ENO4: variants seen among roughly 807,000 people sequenced by gnomAD.
ENO4 encodes the protein 2-phospho-D-glycerate hydro-lyase.
Under a neutral mutation model 63.2 loss-of-function variants are expected in ENO4, and 53 were observed. The ratio of observed to expected loss-of-function variants is 0.84; its 90% CI spans 0.67 to 1.05. The LOEUF is 1.05. ENO4 is among the 50% of genes least tolerant of loss of function. The pLI is 0.00. For missense variants in ENO4, 719 were observed against 772.0 expected (o/e 0.93, Z 0.81); for synonymous variants, 266 against 283.8 (o/e 0.94, Z 0.63).
chr10:116,864,848 C>T (rs867622408), intron 7 of ENO4, among the ~76,000 whole-genome samples: 2 of 152,062 alleles, frequency 1.3e-5, no homozygotes, highest in South Asian at 2.1e-4. Flanking sequence ...GTCAAAACCC[C>T]GTCTCTACTA....
chr10:116,887,937 G>T (rs1847216456), intron 10 of ENO4, among the ~76,000 whole-genome samples: 1 of 152,210 alleles, frequency 6.6e-6, no homozygotes, highest in Non-Finnish European at 1.5e-5. Flanking sequence ...TAACCTGCAT[G>T]ACCCGGTCAC....
chr10:116,863,356 T>TCACACACA (rs10646641), intron 7 of ENO4, among the ~76,000 whole-genome samples: 20,813 of 147,228 alleles, frequency 0.14, 1,821 homozygotes, highest in South Asian at 0.26. Context: ...CTGTGGGGCT[T>TCACACACA]CACACACACA....
intron 7 of ENO4, among the ~76,000 whole-genome samples, chr10:116,863,384 A>ACACG (rs1846469129): frequency 6.6e-6 from 1 of 151,586 alleles, no homozygotes; most frequent in African/African-American, 2.4e-5. Context: ...ACACACACAC[A>ACACG]CACGCACACA....
At chr10:116,911,733 A>G in exon 11 of ENO4, 1 of 1,578,418 alleles carries the variant, frequency 6.3e-7, no homozygotes, top group Non-Finnish European at 8.7e-7. Context: ...ACAGATTTTA[A>G]AATACTCTCC....
Position 116,881,840 on chromosome 10 carries a change from T to G in ENO4, c.*171T>G, listed in dbSNP as rs1847025600. ...AAATTACATATATGATGTTTTTGCCTGAAATTCTGTGAACTTCGTTTTGCA... is the reference window on the plus strand; with the variant it reads ...AAATTACATATATGATGTTTTTGCCGGAAATTCTGTGAACTTCGTTTTGCA... On this transcript the variant is annotated 3_prime_UTR_variant, in exon 14 of 14. Transcript: ENST00000341276. The G allele has an allele frequency of 4.1e-6, 2 of 491,390 alleles. No homozygotes were observed. The highest frequency in any genetic ancestry group is 6.6e-6 in the Non-Finnish European group (2 of 302,456). 30.4% of individuals were successfully genotyped at this position (491,390 alleles called of 1,614,324 possible). A position where few individuals can be genotyped will look rare whatever the true frequency, so the allele number is the denominator to read the frequency against.
intron 4 of ENO4, among the ~76,000 whole-genome samples, chr10:116,860,182 C>T (rs1366835997): frequency 1.3e-5 from 2 of 152,172 alleles, no homozygotes; most frequent in East Asian, 3.9e-4. Flanking sequence ...AAGAGGAACA[C>T]TAGAGATATA....
At chr10:116,894,245 G>A (rs1847437203) in intron 10 of ENO4, among the ~76,000 whole-genome samples, 1 of 152,164 alleles carries the variant, frequency 6.6e-6, no homozygotes, top group South Asian at 2.1e-4. Flanking sequence ...TGTATTTAGA[G>A]ATACCACAGA....
chr10:116,851,595 C>G (rs1846089127), intron 1 of ENO4, among the ~76,000 whole-genome samples: 1 of 152,232 alleles, frequency 6.6e-6, no homozygotes, highest in Non-Finnish European at 1.5e-5. Flanking sequence ...CTATCTAGTT[C>G]ATCCTGCAGA....
chr10:116,900,651 A>G (rs926624208), intron 10 of ENO4: 13 of 1,501,700 alleles, frequency 8.7e-6, no homozygotes, highest in Admixed American at 2.2e-5. Flanking sequence ...GTTCAAATGT[A>G]GCCAGATTGT....
rs1845987116 is a variant in ENO4, at chr10:116,849,512, A to G, written c.-55A>G. The G allele has an allele frequency of 6.9e-7, 1 of 1,452,256 alleles. No homozygotes were observed. The highest frequency in any genetic ancestry group is 1.4e-5 in the African/African-American group (1 of 69,932). The allele number at this position is 1,452,256 out of a possible 1,614,324, so 90.0% of individuals were successfully genotyped here. On this transcript the variant is annotated 5_prime_UTR_variant, in exon 1 of 14. Transcript: ENST00000341276. ...TCACGTTGCGTTGCCTAGCGACAGC[A>G]GGGACGCTCGTGGGACCCCAGGCTA...
Position 116,879,944 on chromosome 10 carries a change from C to T in ENO4, c.1681C>T (p.Leu561Phe), listed in dbSNP as rs747390021. 17 of 1,550,880 alleles carry T rather than the reference C, an allele frequency of 1.1e-5. No individual in the cohort carries two copies. The African/African-American group carries it at 1.8e-4, about 16-fold the overall frequency. ...TGAACGAGTGACTAAATACAACCGCCTTCTCACTATAGAGGAAGAACTTGT... is the reference window on the plus strand; with the variant it reads ...TGAACGAGTGACTAAATACAACCGCTTTCTCACTATAGAGGAAGAACTTGT... ...RGERVTKYNR[L>F]LTIEEELVQN... is the part of the protein sequence containing the mutation. The change falls in exon 13 of 14, where the codon CTT becomes TTT. Residue 561 changes from leucine (L) to phenylalanine (F), a missense_variant. Leu to Phe is a conservative substitution (Grantham distance 22). Transcript: ENST00000341276.
intron 10 of ENO4, among the ~76,000 whole-genome samples, chr10:116,905,202 C>G (rs1847919497): frequency 7.1e-6 from 1 of 141,410 alleles, no homozygotes; most frequent in Non-Finnish European, 1.5e-5. Context: ...GAGCGAGACT[C>G]CGTCTCAAAA....
intron 10 of ENO4, among the ~76,000 whole-genome samples, chr10:116,903,329 T>A (rs545705884): frequency 1.3e-5 from 2 of 151,992 alleles, no homozygotes; most frequent in African/African-American, 4.8e-5. Context: ...GGTCAGGAGT[T>A]AGAGACCAAC....
intron 10 of ENO4, among the ~76,000 whole-genome samples, chr10:116,891,233 T>C (rs1847334512): frequency 6.6e-6 from 1 of 152,254 alleles, no homozygotes; most frequent in Non-Finnish European, 1.5e-5. Context: ...TCTGAAAAGC[T>C]GATTGCCAAA....
At chr10:116,888,398 A>G (rs1564859286) in intron 10 of ENO4, among the ~76,000 whole-genome samples, 1 of 152,220 alleles carries the variant, frequency 6.6e-6, no homozygotes. Context: ...CAGAGGAATC[A>G]GACCTTAGGG....
chr10:116,893,085 A>C (rs1847389002), intron 10 of ENO4, among the ~76,000 whole-genome samples: 1 of 152,230 alleles, frequency 6.6e-6, no homozygotes, highest in Non-Finnish European at 1.5e-5. Context: ...ACAGCAGTTT[A>C]ACAGTCATTT....
chr10:116,897,602 A>G (rs893546995), intron 10 of ENO4, among the ~76,000 whole-genome samples: 1 of 152,238 alleles, frequency 6.6e-6, no homozygotes, highest in Admixed American at 6.5e-5. Flanking sequence ...TCCCAGCAAT[A>G]TAATTGTAAG....
At chr10:116,904,939 C>T (rs529306950) in intron 10 of ENO4, among the ~76,000 whole-genome samples, 10 of 152,036 alleles carry the variant, frequency 6.6e-5, no homozygotes, top group Admixed American at 1.3e-4. Context: ...CGGTGGCTCA[C>T]GCCTGTAATC....
At chr10:116,891,807 A>G (rs955131701) in intron 10 of ENO4, among the ~76,000 whole-genome samples, 1 of 152,214 alleles carries the variant, frequency 6.6e-6, no homozygotes, top group African/African-American at 2.4e-5. Flanking sequence ...GAAACTTTCT[A>G]TATTACTACC....
Sources: allele counts gnomAD v4.1 joint callset (sites outside exome capture counted in the v4.1 genomes callset), GRCh38; gene constraint gnomAD v4.1.1; transcripts MANE v1.5; gene names NCBI Gene and HGNC (gene_info 2026-07-23, HGNC 2026-07-21).